Variants in ADGRB3 observed in about 807,000 individuals in gnomAD.
The protein encoded by ADGRB3 is brain-specific angiogenesis inhibitor 3.
Under a neutral mutation model 193.4 loss-of-function variants are expected in ADGRB3, and 37 were observed. The observed-to-expected ratio is 0.19, with a 90% CI of 0.15 to 0.25. The LOEUF (loss-of-function observed/expected upper bound fraction) is 0.25, where lower values mean the gene tolerates loss of function less well. ADGRB3 is among the 10% of genes least tolerant of loss of function. The pLI, the probability that ADGRB3 is intolerant of heterozygous loss-of-function variation, is 1.00. For synonymous variants in ADGRB3, 690 were observed against 644.2 expected (o/e 1.07, Z -1.08); for missense variants, 1,637 against 1,852.9 (o/e 0.88, Z 2.14).
intron 3 of ADGRB3, among the ~76,000 whole-genome samples, chr6:68,884,248 G>A (rs771320146): frequency 1.0e-3 from 152 of 152,200 alleles, no homozygotes; most frequent in Non-Finnish European, 2.1e-3. Context: ...CACAGTGCCA[G>A]GCACGGGGAT....
intron 3 of ADGRB3, among the ~76,000 whole-genome samples, chr6:68,734,406 G>T (rs370658653): frequency 6.6e-6 from 1 of 151,836 alleles, no homozygotes; most frequent in Non-Finnish European, 1.5e-5. Flanking sequence ...TCTTCTGTCA[G>T]CTTCTTCCTA....
At chr6:69,050,544 TACTC>T (rs1258008686) in intron 15 of ADGRB3, among the ~76,000 whole-genome samples, 3 of 152,222 alleles carry the variant, frequency 2.0e-5, no homozygotes, top group Admixed American at 1.3e-4. Flanking sequence ...TATTTACAGT[TACTC>T]ACAGATAAAA....
At chr6:68,737,433 A>G (rs748753835) in intron 3 of ADGRB3, among the ~76,000 whole-genome samples, 7 of 152,198 alleles carry the variant, frequency 4.6e-5, no homozygotes, top group Non-Finnish European at 1.0e-4. Context: ...CATTTTGAAT[A>G]TAAGAACATT....
At chr6:69,110,629 C>G (rs976099537) in intron 17 of ADGRB3, among the ~76,000 whole-genome samples, 1 of 152,024 alleles carries the variant, frequency 6.6e-6, no homozygotes, top group African/African-American at 2.4e-5. Flanking sequence ...GATTAAAGTA[C>G]TAGAAGATAA....
At chr6:68,830,260 G>A (rs142942342) in intron 3 of ADGRB3, among the ~76,000 whole-genome samples, 194 of 152,088 alleles carry the variant, frequency 1.3e-3, no homozygotes, top group Middle Eastern at 0.01. Context: ...ACTGTCACAT[G>A]GACAATAAAA....
At chr6:68,719,340 C>A (rs577259633) in intron 3 of ADGRB3, among the ~76,000 whole-genome samples, 8 of 151,488 alleles carry the variant, frequency 5.3e-5, no homozygotes, top group East Asian at 2.0e-4. Context: ...CTAGTGTGAC[C>A]GAATAATTGA....
At chr6:69,063,604 G>A (rs767979998) in intron 16 of ADGRB3, among the ~76,000 whole-genome samples, 71 of 152,104 alleles carry the variant, frequency 4.7e-4, no homozygotes, top group Non-Finnish European at 9.0e-4. Context: ...GGGGTGCTGG[G>A]TGGAGTGGGT....
intron 17 of ADGRB3, among the ~76,000 whole-genome samples, chr6:69,086,090 A>C (rs907000280): frequency 2.0e-5 from 3 of 152,104 alleles, no homozygotes; most frequent in African/African-American, 7.2e-5. Flanking sequence ...TTTAAAATTT[A>C]TATTTGGAGT....
chr6:69,081,080 A>G (rs1376745871), intron 17 of ADGRB3, among the ~76,000 whole-genome samples: 1 of 152,054 alleles, frequency 6.6e-6, no homozygotes, highest in Non-Finnish European at 1.5e-5. Context: ...TTGCCTCAGT[A>G]GGTATATTCG....
rs1409376910 is a variant in ADGRB3, at chr6:68,738,900, A to G, written c.757+99468A>G. Among the ~76,000 whole-genome samples, 7 of 152,322 alleles carry G rather than the reference A, an allele frequency of 4.6e-5. No individual in the cohort carries two copies. The East Asian group carries it at 1.4e-3, about 29-fold the overall frequency. ...CCAAGAAAGTGATTGTAAATAGAGA[A>G]GGGGTCTGAGGATTATGATCTGGGT... On this transcript the variant is annotated intron_variant, in intron 3 of 31. Coordinates refer to ENST00000370598, the MANE Select transcript of ADGRB3 (RefSeq NM_001704.3).
At chr6:69,295,670 C>A (rs1409281697) in intron 20 of ADGRB3, among the ~76,000 whole-genome samples, 11 of 152,196 alleles carry the variant, frequency 7.2e-5, no homozygotes, top group Non-Finnish European at 1.5e-5. Flanking sequence ...ATGCCTCATG[C>A]AAACACCAAG....
chr6:69,008,469 C>T (rs74974715), intron 11 of ADGRB3, among the ~76,000 whole-genome samples: 123 of 152,254 alleles, frequency 8.1e-4, no homozygotes, highest in African/African-American at 2.9e-3. Context: ...ATAATGATTT[C>T]TAGTGATGCC....
At chr6:69,109,278 G>T (rs1401075276) in intron 17 of ADGRB3, among the ~76,000 whole-genome samples, 1 of 152,062 alleles carries the variant, frequency 6.6e-6, no homozygotes, top group Admixed American at 6.5e-5. Context: ...GTTTAAAGAG[G>T]GATGTAGAAG....
At chr6:68,764,319 G>A (rs1321920244) in intron 3 of ADGRB3, among the ~76,000 whole-genome samples, 1 of 151,990 alleles carries the variant, frequency 6.6e-6, no homozygotes, top group Non-Finnish European at 1.5e-5. Context: ...TTGATACACA[G>A]GATACCAAAC....
chr6:69,232,258 A>G, intron 17 of ADGRB3: 1 of 440,372 alleles, frequency 2.3e-6, no homozygotes, highest in Non-Finnish European at 3.7e-6. Flanking sequence ...TGATTGGTTG[A>G]GCTCTATAGC....
intron 3 of ADGRB3, among the ~76,000 whole-genome samples, chr6:68,692,860 A>C (rs1765098459): frequency 1.3e-5 from 2 of 151,302 alleles, no homozygotes; most frequent in South Asian, 4.1e-4. Context: ...GATATAAGAT[A>C]CATAGCTAGA....
At chr6:68,893,730 A>G (rs112006145) in intron 3 of ADGRB3, among the ~76,000 whole-genome samples, 343 of 152,140 alleles carry the variant, frequency 2.3e-3, no homozygotes, top group African/African-American at 7.9e-3. Flanking sequence ...TTATTTCCAA[A>G]TATAAGTTAA....
intron 3 of ADGRB3, among the ~76,000 whole-genome samples, chr6:68,664,436 A>G (rs1362723705): frequency 2.6e-5 from 4 of 151,800 alleles, no homozygotes; most frequent in Non-Finnish European, 5.9e-5. Flanking sequence ...TTGCCCTTAC[A>G]AGAAGAGGTC....
At chr6:68,705,754 G>A (rs992494828) in intron 3 of ADGRB3, among the ~76,000 whole-genome samples, 2 of 152,166 alleles carry the variant, frequency 1.3e-5, no homozygotes, top group African/African-American at 2.4e-5. Flanking sequence ...TTTTATTTAG[G>A]AGCTACTGCA....
Sources: gnomAD v4.1 joint callset for allele counts (sites outside exome capture counted in the v4.1 genomes callset) on GRCh38, gnomAD v4.1.1 for gene constraint, MANE v1.5 for transcripts, NCBI Gene and HGNC (gene_info 2026-07-23, HGNC 2026-07-21) for gene names.